The following SRPK2 variants were observed in gnomAD, a reference collection of about 807,000 sequenced individuals.
SRPK2 encodes the protein SRSF protein kinase 2.
In SRPK2, 21 loss-of-function variants were observed where a neutral mutation model predicts 90.8. That is an observed-to-expected ratio of 0.23 (90% CI 0.16 to 0.33). The LOEUF is 0.33. Among genes scored for constraint, SRPK2 ranks in the 10% least tolerant of loss-of-function variants. SRPK2 has a pLI of 1.00. For synonymous variants in SRPK2, 288 were observed against 311.1 expected (o/e 0.93, Z 0.78); for missense variants, 620 against 869.0 (o/e 0.71, Z 3.60).
chr7:105,340,609 G>A (rs571807363), intron 2 of SRPK2, among the ~76,000 whole-genome samples: 35 of 151,852 alleles, frequency 2.3e-4, no homozygotes, highest in Non-Finnish European at 4.1e-4. Context: ...TGGTTTTGAG[G>A]TGGGTTTGTC....
chr7:105,167,326 T>G (rs777832773), intron 6 of SRPK2, 51 bp downstream of exon 6: 3 of 1,484,718 alleles, frequency 2.0e-6, no homozygotes, highest in East Asian at 4.6e-5. Flanking sequence ...CTTGAAATAT[T>G]TTCATTTTTT....
intron 10 of SRPK2, 69 bp from the exon 11 acceptor site, chr7:105,142,559 T>C: frequency 1.3e-6 from 2 of 1,512,866 alleles, no homozygotes; most frequent in Non-Finnish European, 1.8e-6. Flanking sequence ...TAAGTACTTA[T>C]CTCCATCAAT....
chr7:105,373,490 C>T (rs865825120), intron 2 of SRPK2, among the ~76,000 whole-genome samples: 3 of 150,628 alleles, frequency 2.0e-5, no homozygotes, highest in East Asian at 1.9e-4. Context: ...TCGACCTCCA[C>T]CTCCCAGATT....
At chr7:105,349,939 A>T (rs549914087) in intron 2 of SRPK2, among the ~76,000 whole-genome samples, 1 of 151,040 alleles carries the variant, frequency 6.6e-6, no homozygotes, top group Non-Finnish European at 1.5e-5. Context: ...GGGTTTCGCC[A>T]TGTTGGCCAG....
intron 2 of SRPK2, among the ~76,000 whole-genome samples, chr7:105,342,072 T>C (rs1365346563): frequency 1.3e-5 from 2 of 152,098 alleles, no homozygotes; most frequent in African/African-American, 2.4e-5. Context: ...GAGACCATCC[T>C]AGCTAACACA....
chr7:105,290,096 G>C (rs901240771), intron 2 of SRPK2, among the ~76,000 whole-genome samples: 7 of 151,116 alleles, frequency 4.6e-5, no homozygotes, highest in African/African-American at 1.7e-4. Context: ...CATATTATCA[G>C]CAACGATCAC....
chr7:105,389,596 G>A (rs921023861), upstream of SRPK2, among the ~76,000 whole-genome samples: 3 of 152,120 alleles, frequency 2.0e-5, no homozygotes, highest in Admixed American at 1.3e-4. Context: ...TAAACACCAG[G>A]TGTATAACAA....
At chr7:105,262,670 G>C (rs1405260274) in intron 2 of SRPK2, among the ~76,000 whole-genome samples, 1 of 152,086 alleles carries the variant, frequency 6.6e-6, no homozygotes, top group African/African-American at 2.4e-5. Context: ...AACACCCTAG[G>C]GTCACTTACT....
chr7:105,366,556 G>A (rs1819086944), intron 2 of SRPK2, among the ~76,000 whole-genome samples: 1 of 151,540 alleles, frequency 6.6e-6, no homozygotes, highest in Admixed American at 6.6e-5. Flanking sequence ...TTTTAGTAGA[G>A]GCAGAGTTTC....
intron 2 of SRPK2, among the ~76,000 whole-genome samples, chr7:105,335,225 AAAGG>A (rs374502400): frequency 1.8e-3 from 268 of 152,340 alleles, no homozygotes; most frequent in African/African-American, 6.1e-3. Flanking sequence ...AACTTCTAAT[AAAGG>A]AAGACAAAAA....
chr7:105,340,624 T>C (rs1217409383), intron 2 of SRPK2, among the ~76,000 whole-genome samples: 1 of 152,022 alleles, frequency 6.6e-6, no homozygotes, highest in African/African-American at 2.4e-5. Flanking sequence ...TTTGTCTTTT[T>C]GTAGAGACTA....
intron 2 of SRPK2, among the ~76,000 whole-genome samples, chr7:105,334,444 G>A (rs1236520240): frequency 2.6e-5 from 4 of 151,604 alleles, no homozygotes; most frequent in South Asian, 2.1e-4. Context: ...GGCTGGTCTC[G>A]AACTCCGACC....
chr7:105,208,998 C>T (rs1796539540), intron 2 of SRPK2, among the ~76,000 whole-genome samples: 1 of 151,866 alleles, frequency 6.6e-6, no homozygotes, highest in African/African-American at 2.4e-5. Flanking sequence ...AAAGAAAACC[C>T]CAATACAGCT....
chr7:105,193,738 T>C (rs1433759791), intron 3 of SRPK2, among the ~76,000 whole-genome samples: 4 of 152,108 alleles, frequency 2.6e-5, no homozygotes, highest in African/African-American at 4.8e-5. Context: ...TTCTTCTGTA[T>C]TTACAAAGAA....
intron 2 of SRPK2, among the ~76,000 whole-genome samples, chr7:105,237,029 A>ACAGG (rs1800227590): frequency 6.6e-6 from 1 of 152,178 alleles, no homozygotes; most frequent in Admixed American, 6.5e-5. Context: ...TTGTGTAAAG[A>ACAGG]CAGGCACTGG....
At chr7:105,293,762 A>C (rs1478034976) in intron 2 of SRPK2, among the ~76,000 whole-genome samples, 2 of 152,170 alleles carry the variant, frequency 1.3e-5, no homozygotes, top group Non-Finnish European at 2.9e-5. Context: ...GAAACCCTGC[A>C]AGATAAGATA....
At chr7:105,204,203 G>C (rs1489992901) in intron 2 of SRPK2, among the ~76,000 whole-genome samples, 2 of 152,164 alleles carry the variant, frequency 1.3e-5, no homozygotes, top group African/African-American at 4.8e-5. Context: ...CTCAACTTTT[G>C]AAAGCACTTA....
chr7:105,345,403 T>C (rs1394343392), intron 2 of SRPK2, among the ~76,000 whole-genome samples: 1 of 152,122 alleles, frequency 6.6e-6, no homozygotes, highest in African/African-American at 2.4e-5. Flanking sequence ...AACTAAAATC[T>C]AAACAGTAGC....
At chr7:105,213,779 A>G (rs1797130348) in intron 2 of SRPK2, among the ~76,000 whole-genome samples, 1 of 152,236 alleles carries the variant, frequency 6.6e-6, no homozygotes, top group Non-Finnish European at 1.5e-5. Flanking sequence ...GGAACTGTTT[A>G]CTAAGACTTA....
Sources: gnomAD v4.1 joint callset for allele counts (sites outside exome capture counted in the v4.1 genomes callset) on GRCh38, gnomAD v4.1.1 for gene constraint, MANE v1.5 for transcripts, NCBI Gene and HGNC (gene_info 2026-07-23, HGNC 2026-07-21) for gene names.